Variants in CFAP92 observed in about 807,000 individuals in gnomAD.
CFAP92 encodes uncharacterized protein CFAP92.
Under a neutral mutation model 106.3 loss-of-function variants are expected in CFAP92, and 86 were observed. The observed-to-expected ratio is 0.81, with a 90% CI of 0.68 to 0.97. The LOEUF (loss-of-function observed/expected upper bound fraction) is 0.97, where lower values mean the gene tolerates loss of function less well. Ranked by LOEUF, CFAP92 falls within the 50% of genes least tolerant of loss-of-function variation. The pLI, the probability that CFAP92 is intolerant of heterozygous loss-of-function variation, is 0.00. For missense variants in CFAP92, 1,204 were observed against 1,283.8 expected, an observed-to-expected ratio of 0.94 and a Z score of 0.95; for synonymous variants, 477 against 506.4, an observed-to-expected ratio of 0.94 and a Z score of 0.78.
At position 128,945,265 on chromosome 3, in the gene CFAP92, G is replaced by A. The variant is rs1373840610; in HGVS notation, c.2064C>T (p.Leu688=). The change falls in exon 10 of 16, where the codon CTC becomes CTT. Residue 688 remains leucine (L), a synonymous_variant. Coordinates refer to ENST00000645291, the MANE Select transcript of CFAP92 (RefSeq NM_001394090.1). ...QDITMINAKA[L]GLDSYPVRTL... is the part of the protein sequence containing the mutation. ...TCCTGACAGGGTAGGAGTCCAGGCC[G>A]AGGGCCTTAGCGTTGATCATGGTGA... 1.0e-5 allele frequency: 16 copies of A among 1,536,040 alleles called. No homozygotes were observed. The highest frequency in any genetic ancestry group is 1.4e-5 in the African/African-American group (1 of 73,048).
chr3:128,940,737 A>G (rs62265303), intron 10 of CFAP92, among the ~76,000 whole-genome samples: 4,358 of 152,186 alleles, frequency 0.029, 106 homozygotes, highest in South Asian at 0.11. Context: ...TAATGACTAT[A>G]GTTTTATCAT....
At chr3:128,960,292 A>G (rs900571929) in intron 9 of CFAP92, among the ~76,000 whole-genome samples, 14 of 152,170 alleles carry the variant, frequency 9.2e-5, no homozygotes, top group Non-Finnish European at 1.6e-4. Context: ...CCCTTGGGAG[A>G]TCAATCCCCC....
intron 9 of CFAP92, among the ~76,000 whole-genome samples, chr3:128,960,265 C>G (rs1040884960): frequency 6.6e-5 from 10 of 152,250 alleles, no homozygotes; most frequent in African/African-American, 2.2e-4. Context: ...GGTGCCGTGA[C>G]TCGGATCGGG....
intron 15 of CFAP92, among the ~76,000 whole-genome samples, 178 bp from the exon 16 acceptor site, chr3:128,910,511 T>C (rs1323131752): frequency 6.6e-6 from 1 of 152,170 alleles, no homozygotes; most frequent in Non-Finnish European, 1.5e-5. Flanking sequence ...ATACCAGGAT[T>C]GTGACATCTG....
intron 6 of CFAP92, among the ~76,000 whole-genome samples, chr3:128,976,652 AAACCTGGCTT>A (rs1043968645): frequency 1.2e-4 from 18 of 152,214 alleles, no homozygotes; most frequent in African/African-American, 3.9e-4. Context: ...TGTGGGTTGG[AAACCTGGCTT>A]AACCAGGAAT....
At chr3:129,014,084 T>C in the CFAP92 span, among the ~76,000 whole-genome samples, 1 of 152,236 alleles carries the variant, frequency 6.6e-6, no homozygotes, top group Non-Finnish European at 1.5e-5. The surrounding 1 kb of genome is among the most constrained non-coding windows in gnomAD (Gnocchi z 4.3). Flanking sequence ...TGCCTCTTCA[T>C]GATTTTCTGT....
chr3:128,988,835 AACG>A lies in CFAP92; in HGVS notation c.343_345del (p.Arg115del). ...AGAAGGAAATACTCAATGTGGTAAA[AACG>A]ACGCATCTTTGTAACAGAACTGTCT... On this transcript the variant is annotated inframe_deletion, in exon 3 of 16. Coordinates refer to ENST00000645291, the MANE Select transcript of CFAP92 (RefSeq NM_001394090.1). 1.2e-6 allele frequency: 2 copies of A among 1,613,816 alleles called. No individual in the cohort carries two copies. The highest frequency in any genetic ancestry group is 8.5e-7 in the Non-Finnish European group (1 of 1,179,820).
At chr3:129,006,392 C>T (rs1278856372), upstream of CFAP92, among the ~76,000 whole-genome samples, 3 of 152,258 alleles carry the variant, frequency 2.0e-5, no homozygotes, top group African/African-American at 4.8e-5. Flanking sequence ...TCTTGGCTCA[C>T]TGCAATCTCT....
chr3:128,991,277 A>G (rs1282532944), intron 2 of CFAP92, among the ~76,000 whole-genome samples: 2 of 152,194 alleles, frequency 1.3e-5, no homozygotes, highest in African/African-American at 4.8e-5. Flanking sequence ...ATCATTTTAG[A>G]CAGGAATGGT....
At position 129,002,181 on chromosome 3, in the gene CFAP92, CCGCCCTGCG is replaced by C. The variant is rs1321898963; in HGVS notation, n.117+384_117+392del. 4 of 1,490,798 alleles carry C rather than the reference CCGCCCTGCG, an allele frequency of 2.7e-6. No individual in the cohort carries two copies. In the African/African-American group the frequency reaches 5.9e-5, roughly 22 times the overall value. 92.3% of individuals were successfully genotyped at this position (1,490,798 alleles called of 1,614,324 possible). ...GCGCCGTCCGCGCCGCCGCCGCCGC[CCGCCCTGCG>C]CGCCTGGCCCCGACAGCGGTCCTGA... On this transcript the variant is annotated intron_variant and non_coding_transcript_variant, in intron 1 of 4. Coordinates refer to the CFAP92 transcript ENST00000510149.
the CFAP92 span, among the ~76,000 whole-genome samples, chr3:129,015,812 T>C: frequency 6.8e-6 from 1 of 147,324 alleles, no homozygotes; most frequent in Non-Finnish European, 1.5e-5. Flanking sequence ...CCTGCTGTTG[T>C]TCTCTTGTTT....
In CFAP92 at chr3:128,988,798, T is replaced by C. The variant is rs1181480303; in HGVS notation, c.383A>G (p.Glu128Gly). 6.2e-7 allele frequency: 1 copy of C among 1,613,630 alleles called. No homozygotes were observed. Among genetic ancestry groups the C allele is most frequent in the Non-Finnish European group, 8.5e-7 (1 of 1,179,904 alleles). Residue 128 changes from glutamate (E) to glycine (G), a missense_variant, in exon 3 of 16, where the codon GAA (glutamate) becomes GGA (glycine). Transcript: ENST00000645291. ...CAATATGTCAACTTTTTTAGGTTCT[T>C]CATCGTCCGGCAGAAGGAAATACTC... ...HIEYFLLPDD[E>G]EPKKVDILLF...
chr3:128,915,033 G>A (rs1222066549), intron 15 of CFAP92, 86 bp downstream of exon 15: 8 of 1,339,012 alleles, frequency 6.0e-6, no homozygotes, highest in Admixed American at 2.4e-5. Flanking sequence ...AAACAAAATG[G>A]ATACCACTGA....
At chr3:128,989,632 C>T (rs944654856) in intron 2 of CFAP92, among the ~76,000 whole-genome samples, 2 of 152,224 alleles carry the variant, frequency 1.3e-5, no homozygotes, top group Non-Finnish European at 2.9e-5. Flanking sequence ...TTAAACTGCA[C>T]ACTCTAGGTT....
chr3:128,995,322 C>T (rs1410852482), upstream of CFAP92, among the ~76,000 whole-genome samples: 1 of 152,136 alleles, frequency 6.6e-6, no homozygotes, highest in Non-Finnish European at 1.5e-5. Context: ...TGAAAAACAG[C>T]CTCAAGTACA....
intron 12 of CFAP92, among the ~76,000 whole-genome samples, chr3:128,923,277 G>C (rs760328789): frequency 6.6e-6 from 1 of 152,206 alleles, no homozygotes; most frequent in African/African-American, 2.4e-5. Flanking sequence ...ATCTGAATGC[G>C]AAGATGGAAT....
intron 2 of CFAP92, 114 bp from the exon 3 acceptor site, chr3:128,989,032 G>C: frequency 1.3e-6 from 1 of 783,420 alleles, no homozygotes; most frequent in Admixed American, 2.6e-5. Flanking sequence ...CACATTGCCT[G>C]CCCGACTTGG....
At chr3:129,009,231 A>G in the CFAP92 span, among the ~76,000 whole-genome samples, 11 of 152,152 alleles carry the variant, frequency 7.2e-5, no homozygotes, top group Non-Finnish European at 1.2e-4. Context: ...GAATGCCAGA[A>G]AGCCTAATGC....
intron 6 of CFAP92, among the ~76,000 whole-genome samples, chr3:128,976,280 CACA>C (rs1943153146): frequency 6.6e-6 from 1 of 151,942 alleles, no homozygotes; most frequent in Admixed American, 6.6e-5. Flanking sequence ...AGGAATTATC[CACA>C]ACATTTATAG....
Sources: allele counts gnomAD v4.1 joint callset (sites outside exome capture counted in the v4.1 genomes callset), GRCh38; gene constraint gnomAD v4.1.1; non-coding constraint Gnocchi (gnomAD v3.1); transcripts MANE v1.5; gene names NCBI Gene and HGNC (gene_info 2026-07-23, HGNC 2026-07-21).